Variants in THUMPD3 observed in about 807,000 individuals in gnomAD.
THUMPD3 encodes the protein tRNA (guanine(6)-N(2))-methyltransferase THUMP3.
A neutral mutation model predicts 54.5 loss-of-function variants in THUMPD3; 44 were observed. That is an observed-to-expected ratio of 0.81 (90% CI 0.63 to 1.04). The LOEUF is 1.04. THUMPD3 is among the 50% of genes least tolerant of loss of function. The probability of loss-of-function intolerance (pLI) is 0.00; values close to 1 mark genes in which losing one functional copy is unlikely to be tolerated. For missense variants in THUMPD3, 604 were observed against 601.3 expected, an observed-to-expected ratio of 1.00 and a Z score of -0.05; for synonymous variants, 196 against 201.4, an observed-to-expected ratio of 0.97 and a Z score of 0.23.
chr3:9,371,531 G>A lies in THUMPD3; in HGVS notation c.802G>A (p.Val268Met). 6.2e-7 allele frequency: 1 copy of A among 1,611,146 alleles called. No homozygotes were observed. The highest frequency in any genetic ancestry group is 1.1e-5 in the South Asian group (1 of 90,780). ...GAAGGCCGACATGACCAACTTTGAT[G>A]TGGAGGTAGGTATAGGCTCTGACTG... ...KWKADMTNFD[V>M]EVLLNIHDNE... Residue 268 changes from valine (V) to methionine (M), a missense_variant, in exon 4 of 10, where the codon GTG (valine) becomes ATG (methionine). Coordinates refer to ENST00000452837, the MANE Select transcript of THUMPD3 (RefSeq NM_001114092.2).
chr3:9,376,586 G>T lies in THUMPD3; in HGVS notation c.939-1233G>T, dbSNP rs539033952. 3.3e-5 allele frequency among the ~76,000 whole-genome samples: 5 copies of T among 152,304 alleles called. No individual in the cohort carries two copies. The East Asian group carries it at 9.6e-4, about 29-fold the overall frequency. On this transcript the variant is annotated intron_variant, in intron 5 of 9. Transcript: ENST00000452837. ...CCATGTGTTGAGGAGTAGGAGCAAG[G>T]AGATAGAGCAGGACCAATGTTACAA...
Position 9,384,073 on chromosome 3 carries a change from C to G in THUMPD3, c.1236-139C>G, listed in dbSNP as rs115617631. ...TTACTAACTCAACTTATTTCATAGA[C>G]ATGTAATGGCAAAGGTCTGGTTTCT... On this transcript the variant is annotated intron_variant, in intron 8 of 9. Coordinates refer to ENST00000452837, the MANE Select transcript of THUMPD3 (RefSeq NM_001114092.2). 1,191 of 1,039,938 alleles carry G rather than the reference C, an allele frequency of 1.1e-3. 11 individuals carry two copies. In the African/African-American group the frequency reaches 0.017, roughly 15 times the overall value. 64.4% of individuals were successfully genotyped at this position (1,039,938 alleles called of 1,614,324 possible).
intron 4 of THUMPD3, among the ~76,000 whole-genome samples, chr3:9,373,962 C>G (rs1209535127): frequency 1.3e-5 from 2 of 152,180 alleles, no homozygotes; most frequent in Non-Finnish European, 2.9e-5. Flanking sequence ...GTACACAAAT[C>G]TTAAGTTTTC....
chr3:9,376,381 G>A (rs2032461041), intron 5 of THUMPD3, among the ~76,000 whole-genome samples: 1 of 152,158 alleles, frequency 6.6e-6, no homozygotes, highest in Non-Finnish European at 1.5e-5. Context: ...CTAAATTTAT[G>A]TATTTCCAAT....
At chr3:9,378,571 TA>T (rs1239824816) in intron 6 of THUMPD3, among the ~76,000 whole-genome samples, 2 of 152,192 alleles carry the variant, frequency 1.3e-5, no homozygotes, top group Non-Finnish European at 1.5e-5. Flanking sequence ...TTCCATATAG[TA>T]TACTGACAGC....
chr3:9,384,135 A>G, intron 8 of THUMPD3, 77 bp from the exon 9 acceptor site: 2 of 1,512,264 alleles, frequency 1.3e-6, no homozygotes, highest in Non-Finnish European at 1.8e-6. Context: ...AGGATGCATG[A>G]AACTGTTTTT....
chr3:9,364,898 T>C, intron 1 of THUMPD3, 118 bp from the exon 2 acceptor site: 1 of 758,372 alleles, frequency 1.3e-6, no homozygotes, highest in African/African-American at 1.8e-5. Flanking sequence ...CTTTTTACTT[T>C]GGTGACTGTT....
intron 4 of THUMPD3, 46 bp downstream of exon 4, chr3:9,371,582 A>G: frequency 6.8e-7 from 1 of 1,475,442 alleles, no homozygotes; most frequent in South Asian, 1.3e-5. Flanking sequence ...GCTGTCACAG[A>G]TTTGTAGAAT....
chr3:9,376,185 G>T (rs1169660074), intron 5 of THUMPD3, among the ~76,000 whole-genome samples: 1 of 152,170 alleles, frequency 6.6e-6, no homozygotes, highest in Non-Finnish European at 1.5e-5. Context: ...AGTGATAATT[G>T]TGCCAGAGAG....
Position 9,371,129 on chromosome 3 carries a change from A to C in THUMPD3, c.400A>C (p.Lys134Gln). The C allele has an allele frequency of 1.2e-6, 2 of 1,608,444 alleles. No homozygotes were observed. The highest frequency in any genetic ancestry group is 3.4e-5 in the Admixed American group (2 of 58,694). The change falls in exon 4 of 10, where the codon AAA (lysine) becomes CAA (glutamine). Residue 134 changes from lysine (K) to glutamine (Q), a missense_variant. Coordinates refer to ENST00000452837, the MANE Select transcript of THUMPD3 (RefSeq NM_001114092.2). ...LPWSNPLKVW[K>Q]INASFKKKKA... The stretch of plus-strand genomic sequence containing the variant: ...ATGGTCAAACCCCTTAAAAGTGTGG[A>C]AAATTAATGCCAGTTTTAAAAAGAA...
intron 7 of THUMPD3, 166 bp from the exon 8 acceptor site, chr3:9,383,033 A>T: frequency 1.9e-6 from 1 of 512,972 alleles, no homozygotes; most frequent in Non-Finnish European, 3.5e-6. Context: ...AGCCTGACCT[A>T]TTTTTTACCT....
At chr3:9,381,042 C>T (rs1057199177) in intron 7 of THUMPD3, among the ~76,000 whole-genome samples, 19 of 152,308 alleles carry the variant, frequency 1.2e-4, no homozygotes, top group Non-Finnish European at 1.8e-4. Flanking sequence ...AGCAATCCTC[C>T]TGCCTTGGCC....
rs765855349 is a variant in THUMPD3 at position 9,374,652 on chromosome 3, A to T, written c.938+6A>T. On this transcript the variant is annotated splice_donor_region_variant and intron_variant, in intron 5 of 9. Transcript: ENST00000452837. Reference sequence around the variant, plus strand: ...CTTGCCTATGGGATGCTCAGGTAAGAAAATGAGTTTGCCATCCAGCTTAAA... The same window carrying T: ...CTTGCCTATGGGATGCTCAGGTAAGTAAATGAGTTTGCCATCCAGCTTAAA... The T allele has an allele frequency of 6.2e-6, 10 of 1,612,850 alleles. No homozygotes were observed. The highest frequency in any genetic ancestry group is 8.5e-6 in the Non-Finnish European group (10 of 1,179,550).
intron 3 of THUMPD3, among the ~76,000 whole-genome samples, chr3:9,368,641 G>A (rs899395320): frequency 1.3e-5 from 2 of 152,166 alleles, no homozygotes; most frequent in African/African-American, 2.4e-5. Context: ...GGTTACAGGC[G>A]TAAGCCACCG....
chr3:9,375,674 GTCA>G (rs1462215179), intron 5 of THUMPD3, among the ~76,000 whole-genome samples: 1 of 152,164 alleles, frequency 6.6e-6, no homozygotes, highest in Non-Finnish European at 1.5e-5. Context: ...TGAAAAATGT[GTCA>G]TCACGCAATT....
intron 3 of THUMPD3, among the ~76,000 whole-genome samples, chr3:9,369,167 G>A (rs1487835818): frequency 2.0e-5 from 3 of 151,856 alleles, no homozygotes; most frequent in African/African-American, 7.2e-5. Context: ...AAAATTAGCC[G>A]GGTGCGGTGG....
chr3:9,384,042 A>G (rs1288781015), intron 8 of THUMPD3, among the ~76,000 whole-genome samples, 170 bp from the exon 9 acceptor site: 1 of 152,260 alleles, frequency 6.6e-6, no homozygotes, highest in Non-Finnish European at 1.5e-5. Flanking sequence ...CAGAATTCTA[A>G]GCAGTTTACT....
chr3:9,379,803 C>T (rs1389394848), intron 6 of THUMPD3, among the ~76,000 whole-genome samples: 1 of 152,126 alleles, frequency 6.6e-6, no homozygotes, highest in Non-Finnish European at 1.5e-5. Flanking sequence ...AGCCATTCTC[C>T]CACCTCAGCC....
At chr3:9,372,381 A>AC (rs2032119956) in intron 4 of THUMPD3, among the ~76,000 whole-genome samples, 1 of 152,060 alleles carries the variant, frequency 6.6e-6, no homozygotes, top group African/African-American at 2.4e-5. Context: ...GGAATTTGAG[A>AC]CCAGCGTGGC....
Sources: gnomAD v4.1 joint callset for allele counts (sites outside exome capture counted in the v4.1 genomes callset) on GRCh38, gnomAD v4.1.1 for gene constraint, MANE v1.5 for transcripts, NCBI Gene and HGNC (gene_info 2026-07-23, HGNC 2026-07-21) for gene names.